The following DPP10 variants were observed in gnomAD, a reference collection of about 807,000 sequenced individuals.
The protein encoded by DPP10 is inactive dipeptidyl peptidase 10.
DPP10 carries 33 observed loss-of-function variants against 120.9 expected under a neutral mutation model. The ratio of observed to expected loss-of-function variants is 0.27; its 90% confidence interval spans 0.21 to 0.37. DPP10 has a LOEUF of 0.37. Among genes scored for constraint, DPP10 ranks in the 10% least tolerant of loss-of-function variants. The pLI is 1.00. For synonymous variants in DPP10, 337 were observed against 326.1 expected, an observed-to-expected ratio of 1.03 and a Z score of -0.36; for missense variants, 816 against 942.8, an observed-to-expected ratio of 0.87 and a Z score of 1.76.
intron 1 of DPP10, among the ~76,000 whole-genome samples, chr2:115,094,072 A>C (rs572922707): frequency 3.3e-5 from 5 of 152,132 alleles, no homozygotes; most frequent in Admixed American, 6.5e-5. Flanking sequence ...TTTCAGGGGC[A>C]TCTAGTAACT....
chr2:114,827,139 T>C (rs896266133), intron 1 of DPP10, among the ~76,000 whole-genome samples: 3 of 152,110 alleles, frequency 2.0e-5, no homozygotes, highest in Non-Finnish European at 4.4e-5. Flanking sequence ...TTAAGTTCTC[T>C]TATGGGAGTT....
Position 114,830,143 on chromosome 2 carries a change from T to C in DPP10, c.60+387305T>C, listed in dbSNP as rs553204102. ...AATTTTCACAGTCCCATCAGAATTT[T>C]CTTTATAAAGGCTGGTATGGCTACC... On this transcript the variant is annotated intron_variant, in intron 1 of 25. Transcript: ENST00000410059. 1.3e-3 allele frequency among the ~76,000 whole-genome samples: 192 copies of C among 145,174 alleles called. 1 individual carries two copies. Among genetic ancestry groups the C allele is most frequent in the African/African-American group, 4.8e-3 (186 of 39,136 alleles).
chr2:114,915,023 C>T (rs572939622), intron 1 of DPP10, among the ~76,000 whole-genome samples: 28 of 152,018 alleles, frequency 1.8e-4, no homozygotes, highest in African/African-American at 2.9e-4. Context: ...CCCAGCTGCA[C>T]GGGAGGCTGA....
At chr2:115,458,135 T>C (rs2073729473) in intron 3 of DPP10, among the ~76,000 whole-genome samples, 1 of 152,172 alleles carries the variant, frequency 6.6e-6, no homozygotes, top group African/African-American at 2.4e-5. Flanking sequence ...TGCCTGGTGA[T>C]TGAATTTTAC....
At chr2:115,667,160 AGTGTTT>A (rs576393231) in intron 5 of DPP10, among the ~76,000 whole-genome samples, 4 of 152,226 alleles carry the variant, frequency 2.6e-5, no homozygotes, top group African/African-American at 9.6e-5. Flanking sequence ...TCTTTCAAAA[AGTGTTT>A]GTTCATGTCC....
intron 17 of DPP10, 68 bp from the exon 18 acceptor site, chr2:115,791,012 TG>T: frequency 9.1e-7 from 1 of 1,096,892 alleles, no homozygotes. Flanking sequence ...GATAATTTTT[TG>T]TTGTGTCACA....
intron 5 of DPP10, among the ~76,000 whole-genome samples, chr2:115,649,700 T>C (rs1292792974): frequency 6.6e-6 from 1 of 152,160 alleles, no homozygotes; most frequent in Non-Finnish European, 1.5e-5. Flanking sequence ...TGCTGTGTTT[T>C]ATGCCCTATA....
At chr2:115,405,889 A>G (rs1273636931) in intron 3 of DPP10, among the ~76,000 whole-genome samples, 1 of 152,186 alleles carries the variant, frequency 6.6e-6, no homozygotes, top group African/African-American at 2.4e-5. Context: ...GGCCTAAGAT[A>G]GGAGAAACAG....
chr2:115,122,343 C>A (rs907965892), intron 1 of DPP10, among the ~76,000 whole-genome samples: 4 of 152,186 alleles, frequency 2.6e-5, no homozygotes, highest in Non-Finnish European at 4.4e-5. Flanking sequence ...ATCCAAGGGG[C>A]TCTGGAATGA....
chr2:115,539,948 A>G (rs1209401450), intron 5 of DPP10, among the ~76,000 whole-genome samples: 1 of 151,928 alleles, frequency 6.6e-6, no homozygotes, highest in Admixed American at 6.6e-5. Flanking sequence ...TTAATTTTCA[A>G]TTGTTTTCAC....
chr2:114,799,722 G>C (rs995347005), intron 1 of DPP10, among the ~76,000 whole-genome samples: 1 of 152,138 alleles, frequency 6.6e-6, no homozygotes, highest in African/African-American at 2.4e-5. Context: ...TGACTCAAAG[G>C]CCCTACTCAC....
intron 7 of DPP10, among the ~76,000 whole-genome samples, chr2:115,701,104 A>T (rs540284395): frequency 6.6e-6 from 1 of 152,084 alleles, no homozygotes; most frequent in Non-Finnish European, 1.5e-5. Context: ...TAGAATTCGT[A>T]TGAAATTTCA....
chr2:115,664,537 A>C (rs769693141), intron 5 of DPP10, among the ~76,000 whole-genome samples: 17 of 151,978 alleles, frequency 1.1e-4, no homozygotes, highest in Non-Finnish European at 2.4e-4. Context: ...AAAAAAACTA[A>C]TAATAAAATG....
chr2:114,898,916 A>G (rs1245233664), intron 1 of DPP10, among the ~76,000 whole-genome samples: 1 of 152,210 alleles, frequency 6.6e-6, no homozygotes, highest in Non-Finnish European at 1.5e-5. Context: ...ACTGCAGGTC[A>G]TTAATTCTCT....
Position 114,911,483 on chromosome 2 carries a change from G to A in DPP10, c.61-397756G>A, listed in dbSNP as rs191676952. ...AACAATAAACAGGTAACAAATGGAA[G>A]GATTGATTCATCATTGCAAGGTTCA... On this transcript the variant is annotated intron_variant, in intron 1 of 25. Transcript: ENST00000410059. Among the ~76,000 whole-genome samples the A allele has an allele frequency of 2.4e-4, 37 of 152,270 alleles. 1 individual carries two copies. Among genetic ancestry groups the A allele is most frequent in the Admixed American group, 2.4e-3 (37 of 15,298 alleles).
chr2:115,047,575 G>A lies in DPP10; in HGVS notation c.61-261664G>A, dbSNP rs1003524386. Among the ~76,000 whole-genome samples, 3 of 151,776 alleles carry A rather than the reference G, an allele frequency of 2.0e-5. No homozygotes were observed. In the South Asian group the frequency reaches 6.2e-4, roughly 31 times the overall value. The stretch of plus-strand genomic sequence containing the variant: ...TATGTTTACTCCCTTCTTGTTTTAT[G>A]AGTCTAAATGCTGTAAAATAACAAT... On this transcript the variant is annotated intron_variant, in intron 1 of 25. Coordinates refer to ENST00000410059, the MANE Select transcript of DPP10 (RefSeq NM_020868.6).
chr2:115,830,419 C>T (rs1688802196), intron 21 of DPP10, among the ~76,000 whole-genome samples: 1 of 148,140 alleles, frequency 6.8e-6, no homozygotes, highest in Admixed American at 6.7e-5. Context: ...GTCTTATAAA[C>T]ATTTTTTTTT....
At chr2:115,634,251 G>A (rs2086136932) in intron 5 of DPP10, among the ~76,000 whole-genome samples, 1 of 152,122 alleles carries the variant, frequency 6.6e-6, no homozygotes, top group Admixed American at 6.5e-5. Flanking sequence ...TTGCTGGAGA[G>A]GTGCTGCAAT....
At chr2:114,474,988 C>G (rs1407132341) in intron 1 of DPP10, among the ~76,000 whole-genome samples, 1 of 152,228 alleles carries the variant, frequency 6.6e-6, no homozygotes, top group Non-Finnish European at 1.5e-5. Context: ...TGTGCATCAG[C>G]TATTTGTTCT....
Sources: gnomAD v4.1 joint callset for allele counts (sites outside exome capture counted in the v4.1 genomes callset) on GRCh38, gnomAD v4.1.1 for gene constraint, MANE v1.5 for transcripts, NCBI Gene and HGNC (gene_info 2026-07-23, HGNC 2026-07-21) for gene names.